Variants in CADPS2 observed in about 807,000 individuals in gnomAD.
CADPS2 encodes calcium-dependent secretion activator 2.
A neutral mutation model predicts 172.5 loss-of-function variants in CADPS2; 93 were observed. The observed-to-expected ratio is 0.54, with a 90% CI of 0.46 to 0.64. The LOEUF is 0.64. Ranked by LOEUF, CADPS2 falls within the 30% of genes least tolerant of loss-of-function variation. The pLI is 0.00. For synonymous variants in CADPS2, 546 were observed against 555.2 expected (o/e 0.98, Z 0.23); for missense variants, 1,420 against 1,565.9 (o/e 0.91, Z 1.57).
At chr7:122,841,530 A>G (rs1424651265) in intron 1 of CADPS2, among the ~76,000 whole-genome samples, 1 of 152,230 alleles carries the variant, frequency 6.6e-6, no homozygotes, top group African/African-American at 2.4e-5. Context: ...TAAATTTTAA[A>G]ACCAACTTAT....
chr7:122,734,389 A>AAAG (rs2091979476), intron 2 of CADPS2, among the ~76,000 whole-genome samples: 7 of 47,838 alleles, frequency 1.5e-4, no homozygotes, highest in Admixed American at 2.9e-4. Flanking sequence ...AAAAAAAAGA[A>AAAG]AAAAAAAAAA....
At chr7:122,621,977 G>A (rs1260716852) in intron 4 of CADPS2, among the ~76,000 whole-genome samples, 1 of 152,080 alleles carries the variant, frequency 6.6e-6, no homozygotes, top group African/African-American at 2.4e-5. Context: ...ATTTATTTGT[G>A]ATAAGATTTG....
At chr7:122,762,025 TATATACACAC>T (rs1223383991) in intron 1 of CADPS2, among the ~76,000 whole-genome samples, 13 of 80,314 alleles carry the variant, frequency 1.6e-4, no homozygotes, top group African/African-American at 7.9e-4. Flanking sequence ...TATATATATA[TATATACACAC>T]ACACACACAC....
At chr7:122,454,703 A>G (rs1220501942) in intron 14 of CADPS2, among the ~76,000 whole-genome samples, 1 of 152,216 alleles carries the variant, frequency 6.6e-6, no homozygotes, top group Non-Finnish European at 1.5e-5. Context: ...AAGCCTTGAG[A>G]GAAATTTAAA....
intron 14 of CADPS2, among the ~76,000 whole-genome samples, chr7:122,465,886 G>A (rs369576004): frequency 5.9e-5 from 9 of 152,222 alleles, no homozygotes; most frequent in Middle Eastern, 3.4e-3. Flanking sequence ...AATTTTGTAC[G>A]TCAACATAGA....
At chr7:122,370,270 G>A (rs1351633117) in intron 25 of CADPS2, among the ~76,000 whole-genome samples, 1 of 152,180 alleles carries the variant, frequency 6.6e-6, no homozygotes, top group Non-Finnish European at 1.5e-5. Flanking sequence ...CTTGAGGGCA[G>A]GGACCCTGCT....
intron 8 of CADPS2, among the ~76,000 whole-genome samples, chr7:122,549,551 G>A (rs1446251486): frequency 6.6e-6 from 1 of 151,938 alleles, no homozygotes; most frequent in South Asian, 2.1e-4. Flanking sequence ...AGCCTAGGAG[G>A]TGGAGGTTGC....
At chr7:122,772,866 T>G (rs2093745404) in intron 1 of CADPS2, among the ~76,000 whole-genome samples, 1 of 152,090 alleles carries the variant, frequency 6.6e-6, no homozygotes, top group African/African-American at 2.4e-5. Flanking sequence ...GGTAAAAATC[T>G]AAGCTCTTGA....
At chr7:122,608,043 C>A (rs1005586859) in intron 6 of CADPS2, among the ~76,000 whole-genome samples, 3 of 151,860 alleles carry the variant, frequency 2.0e-5, no homozygotes, top group Non-Finnish European at 4.4e-5. Context: ...ACAGTGAAAC[C>A]CTGACTCTAC....
chr7:122,595,625 C>T (rs530980525), intron 6 of CADPS2, among the ~76,000 whole-genome samples: 51 of 152,144 alleles, frequency 3.4e-4, no homozygotes, highest in Admixed American at 5.9e-4. Flanking sequence ...CCAGGATGGA[C>T]CATCTATATG....
intron 25 of CADPS2, among the ~76,000 whole-genome samples, chr7:122,375,498 A>G (rs537839007): frequency 6.6e-6 from 1 of 152,240 alleles, no homozygotes; most frequent in South Asian, 2.1e-4. Context: ...GGTTTCTTCA[A>G]TAAATAGTGC....
chr7:122,675,642 A>C (rs1399661622), intron 2 of CADPS2, among the ~76,000 whole-genome samples: 1 of 152,230 alleles, frequency 6.6e-6, no homozygotes, highest in African/African-American at 2.4e-5. Context: ...GCAGCCATAA[A>C]AAAAGAATGA....
intron 2 of CADPS2, among the ~76,000 whole-genome samples, chr7:122,666,831 T>C (rs944310765): frequency 1.3e-5 from 2 of 152,136 alleles, no homozygotes; most frequent in Non-Finnish European, 2.9e-5. Context: ...CAGTGAGTTC[T>C]GCAGTGTGGC....
At position 122,683,616 on chromosome 7, in the gene CADPS2, A is replaced by C. The variant is rs528651302; in HGVS notation, c.454-20047T>G. On this transcript the variant is annotated intron_variant, in intron 2 of 29. Transcript: ENST00000449022. ...TAATACTACATGACATAGTGAAATAAATTTTAAAATCACTGCTACTTAAAA... is the reference window on the plus strand; with the variant it reads ...TAATACTACATGACATAGTGAAATACATTTTAAAATCACTGCTACTTAAAA... Among the ~76,000 whole-genome samples the C allele has an allele frequency of 2.1e-3, 325 of 152,264 alleles. 1 individual carries two copies. The highest frequency in any genetic ancestry group is 2.8e-3 in the Non-Finnish European group (193 of 68,022).
At position 122,438,521 on chromosome 7, in the gene CADPS2, G is replaced by A. The variant is rs1428689815; in HGVS notation, c.2353-57C>T. The stretch of plus-strand genomic sequence containing the variant: ...CAGGGTTGGGGATAGACAGATGGAA[G>A]AAAAAAGACAGATGTTGCATAAAAT... On this transcript the variant is annotated intron_variant, in intron 16 of 29. Transcript: ENST00000449022. 2.6e-6 allele frequency: 4 copies of A among 1,562,768 alleles called. No homozygotes were observed. The Admixed American group carries it at 7.3e-5, about 28-fold the overall frequency.
intron 12 of CADPS2, among the ~76,000 whole-genome samples, chr7:122,477,481 A>C (rs1554556330): frequency 6.7e-6 from 1 of 150,082 alleles, no homozygotes; most frequent in East Asian, 2.0e-4. Flanking sequence ...GCGCCACTGC[A>C]CTCCAGCCTG....
intron 14 of CADPS2, among the ~76,000 whole-genome samples, chr7:122,457,314 T>C (rs887540688): frequency 6.6e-6 from 1 of 152,210 alleles, no homozygotes; most frequent in African/African-American, 2.4e-5. Context: ...TTGAACAGTT[T>C]GTGTTCACAC....
At chr7:122,415,356 A>AT in intron 18 of CADPS2, among the ~76,000 whole-genome samples, 1 of 152,160 alleles carries the variant, frequency 6.6e-6, no homozygotes, top group African/African-American at 2.4e-5. Flanking sequence ...GCAGCATTGT[A>AT]AGACGGGTTT....
chr7:122,713,350 C>G (rs758978797), intron 2 of CADPS2, among the ~76,000 whole-genome samples: 2 of 152,062 alleles, frequency 1.3e-5, no homozygotes, highest in Non-Finnish European at 2.9e-5. Flanking sequence ...CCTATCTAAA[C>G]TCATGTGCCT....
Sources: allele counts gnomAD v4.1 joint callset (sites outside exome capture counted in the v4.1 genomes callset), GRCh38; gene constraint gnomAD v4.1.1; transcripts MANE v1.5; gene names NCBI Gene and HGNC (gene_info 2026-07-23, HGNC 2026-07-21).